WDFY4: variants seen among roughly 807,000 people sequenced by gnomAD.
The protein encoded by WDFY4 is WD repeat- and FYVE domain-containing protein 4.
A neutral mutation model predicts 351.9 loss-of-function variants in WDFY4; 169 were observed. That is an observed-to-expected ratio of 0.48 (90% CI 0.42 to 0.55). WDFY4 has a LOEUF of 0.55. Ranked by LOEUF, WDFY4 falls within the 20% of genes least tolerant of loss-of-function variation. The pLI, the probability that WDFY4 is intolerant of heterozygous loss-of-function variation, is 0.00. For missense variants in WDFY4, 3,803 were observed against 3,935.6 expected, an observed-to-expected ratio of 0.97 and a Z score of 0.90; for synonymous variants, 1,622 against 1,574.6, an observed-to-expected ratio of 1.03 and a Z score of -0.71.
At chr10:48,834,340 G>A (rs545737440) in intron 39 of WDFY4, among the ~76,000 whole-genome samples, 1 of 152,204 alleles carries the variant, frequency 6.6e-6, no homozygotes, top group African/African-American at 2.4e-5. Flanking sequence ...TCCCATCTTT[G>A]TGCTGCTGAG....
chr10:48,777,795 T>G (rs1380882538), intron 17 of WDFY4, among the ~76,000 whole-genome samples: 1 of 152,240 alleles, frequency 6.6e-6, no homozygotes, highest in Non-Finnish European at 1.5e-5. Flanking sequence ...CCTGAGTATC[T>G]GCAGATGAGT....
chr10:48,761,904 AAC>A (rs1357723568), intron 13 of WDFY4, among the ~76,000 whole-genome samples: 2 of 152,224 alleles, frequency 1.3e-5, no homozygotes, highest in Non-Finnish European at 2.9e-5. Context: ...CCAGTATTTT[AAC>A]CAATGGAGAA....
At chr10:48,714,276 C>A (rs1468435906) in intron 2 of WDFY4, among the ~76,000 whole-genome samples, 1 of 152,200 alleles carries the variant, frequency 6.6e-6, no homozygotes, top group Non-Finnish European at 1.5e-5. Flanking sequence ...TTCCTTATTT[C>A]ATGACTCACT....
intron 61 of WDFY4, among the ~76,000 whole-genome samples, chr10:48,981,934 C>T (rs968963146): frequency 1.3e-5 from 2 of 152,190 alleles, no homozygotes; most frequent in African/African-American, 4.8e-5. Flanking sequence ...TTATTTGACT[C>T]GCAGTAACCC....
intron 1 of WDFY4, among the ~76,000 whole-genome samples, chr10:48,694,359 T>A (rs1165315873): frequency 1.3e-5 from 2 of 152,064 alleles, no homozygotes; most frequent in African/African-American, 4.8e-5. Context: ...GTGGCTTTAT[T>A]TCTTTCTCCT....
At chr10:48,966,758 C>T (rs1842102265) in intron 55 of WDFY4, 85 bp downstream of exon 55, 1 of 1,469,960 alleles carries the variant, frequency 6.8e-7, no homozygotes, top group Non-Finnish European at 9.1e-7. Flanking sequence ...TCCAGCACCA[C>T]ATACCTGGGC....
At chr10:48,790,966 T>A in intron 23 of WDFY4, 49 bp downstream of exon 23, 1 of 1,543,394 alleles carries the variant, frequency 6.5e-7, no homozygotes, top group African/African-American at 1.4e-5. Flanking sequence ...AGGGCTGTCA[T>A]CCCTGGGAAA....
chr10:48,880,615 C>T (rs1478574928), intron 43 of WDFY4, among the ~76,000 whole-genome samples: 2 of 152,168 alleles, frequency 1.3e-5, no homozygotes, highest in Admixed American at 6.5e-5. Flanking sequence ...CCTGCTTCCA[C>T]TTGGCACCCG....
At chr10:48,944,598 G>A (rs1299230218) in intron 49 of WDFY4, among the ~76,000 whole-genome samples, 1 of 152,212 alleles carries the variant, frequency 6.6e-6, no homozygotes, top group Admixed American at 6.5e-5. Flanking sequence ...TTGGGAGAAG[G>A]AGACTCAGTC....
chr10:48,783,901 T>TA (rs1402021335), intron 19 of WDFY4, among the ~76,000 whole-genome samples: 1 of 152,252 alleles, frequency 6.6e-6, no homozygotes, highest in Admixed American at 6.5e-5. Context: ...ATGATATTAT[T>TA]ATCTGATGGA....
intron 13 of WDFY4, among the ~76,000 whole-genome samples, chr10:48,769,851 A>C (rs1408602617): frequency 6.6e-6 from 1 of 152,246 alleles, no homozygotes; most frequent in Non-Finnish European, 1.5e-5. Context: ...TTAAGTGAAG[A>C]ATGCAGAAAA....
intron 1 of WDFY4, among the ~76,000 whole-genome samples, chr10:48,700,902 A>G (rs1443038961): frequency 6.6e-6 from 1 of 152,232 alleles, no homozygotes; most frequent in African/African-American, 2.4e-5. Context: ...TTATAATTGT[A>G]GTACATACCA....
In WDFY4 at chr10:48,826,712, C is replaced by T. The variant is rs1010882902; in HGVS notation, c.6024C>T (p.Ser2008=). The T allele has an allele frequency of 3.2e-6, 5 of 1,551,612 alleles. No homozygotes were observed. The African/African-American group carries it at 6.8e-5, about 21-fold the overall frequency. The change falls in exon 36 of 62, where the codon AGC becomes AGT. Residue 2008 remains serine (S), a synonymous_variant. Coordinates refer to ENST00000325239, the MANE Select transcript of WDFY4 (RefSeq NM_001394531.1). ...TASSQRDTVL[S]TLYSSLNKVI... is the part of the protein sequence containing the mutation. ...CTTCTCAAAGGGACACTGTCCTCAG[C>T]ACTTTATACAGCAGTTTAAATAAAG...
At chr10:48,971,864 C>CAA (rs1273667254) in intron 57 of WDFY4, among the ~76,000 whole-genome samples, 1 of 152,156 alleles carries the variant, frequency 6.6e-6, no homozygotes, top group Non-Finnish European at 1.5e-5. Flanking sequence ...CTGATCTCAG[C>CAA]AAAGGGACTG....
chr10:48,959,323 G>C (rs151253257), intron 52 of WDFY4, among the ~76,000 whole-genome samples: 1 of 152,198 alleles, frequency 6.6e-6, no homozygotes, highest in Non-Finnish European at 1.5e-5. Context: ...AGCTCCTGGC[G>C]TGGAGTGAGG....
rs1564538135 is a variant in WDFY4, at chr10:48,969,233, C to T, written c.8754C>T (p.Ser2918=). 2 of 1,551,434 alleles carry T rather than the reference C, an allele frequency of 1.3e-6. No homozygotes were observed. Among genetic ancestry groups the T allele is most frequent in the Non-Finnish European group, 1.7e-6 (2 of 1,146,940 alleles). The change falls in exon 56 of 62, where the codon AGC becomes AGT. Residue 2918 remains serine (S), a synonymous_variant. Coordinates refer to ENST00000325239, the MANE Select transcript of WDFY4 (RefSeq NM_001394531.1). ...GFDDFSCCLG[S]YGSDKVLMTF... ...ATGACTTCAGCTGCTGCTTGGGGAG[C>T]TACGGCTCCGACAAGGTGAGGGGGC...
At position 48,709,887 on chromosome 10, in the gene WDFY4, T is replaced by A; in HGVS notation, c.155T>A (p.Leu52Gln). ...ALWDMLERKF[L>Q]EYQQLTHKSP... ...TGGGACATGCTGGAAAGGAAGTTTC[T>A]GGAATACCAGCAGTTGACTCACAAG... Residue 52 changes from leucine to glutamine, a missense_variant, in exon 2 of 62, where the codon CTG becomes CAG. Leu to Gln is a moderately radical substitution (Grantham distance 113, BLOSUM62 -2). Around this residue, in one of 3 missense-constraint regions of WDFY4, gnomAD observed 488 missense variants for 456.8 expected, o/e 1.07. Coordinates refer to ENST00000325239, the MANE Select transcript of WDFY4 (RefSeq NM_001394531.1). 1 of 1,552,066 alleles carries A rather than the reference T, an allele frequency of 6.4e-7. No individual in the cohort carries two copies. The highest frequency in any genetic ancestry group is 2.4e-5 in the East Asian group (1 of 40,922).
intron 10 of WDFY4, among the ~76,000 whole-genome samples, chr10:48,734,927 C>T (rs539207832): frequency 6.2e-4 from 93 of 150,262 alleles, no homozygotes; most frequent in Middle Eastern, 3.4e-3. Flanking sequence ...AGGCGCACGC[C>T]GCCATGCACG....
chr10:48,802,932 C>T (rs2067133373), intron 24 of WDFY4: 2 of 488,144 alleles, frequency 4.1e-6, no homozygotes, highest in Non-Finnish European at 8.0e-6. Context: ...GGAACATCAT[C>T]ATTTGTCTTG....
Sources: gnomAD v4.1 joint callset for allele counts (sites outside exome capture counted in the v4.1 genomes callset) on GRCh38, gnomAD v4.1.1 for gene constraint, gnomAD v4.1.1 regional missense constraint, MANE v1.5 for transcripts, NCBI Gene and HGNC (gene_info 2026-07-23, HGNC 2026-07-21) for gene names.